MAP2K4: variants seen among roughly 807,000 people sequenced by gnomAD.
MAP2K4 encodes mitogen-activated protein kinase kinase 4.
Under a neutral mutation model 48.5 loss-of-function variants are expected in MAP2K4, and 4 were observed. That is an observed-to-expected ratio of 0.08 (90% confidence interval 0.04 to 0.19). The LOEUF is 0.19. Ranked by LOEUF, MAP2K4 falls within the 10% of genes least tolerant of loss-of-function variation. The pLI is 1.00. For missense variants in MAP2K4, 258 were observed against 493.3 expected (o/e 0.52, Z 4.52); for synonymous variants, 166 against 173.1 (o/e 0.96, Z 0.32).
chr17:12,066,780 T>G (rs997761066), intron 2 of MAP2K4, among the ~76,000 whole-genome samples: 3 of 152,216 alleles, frequency 2.0e-5, no homozygotes, highest in African/African-American at 7.2e-5. Flanking sequence ...AGCTCCGCCT[T>G]CCGGGTTCAC....
chr17:12,105,908 C>T (rs1445222749), intron 4 of MAP2K4, among the ~76,000 whole-genome samples: 1 of 152,100 alleles, frequency 6.6e-6, no homozygotes, highest in African/African-American at 2.4e-5. Context: ...TTCCTTCTCC[C>T]TTCCATTTGG....
rs9894230 is a variant in MAP2K4, at chr17:12,096,857, G to A, written c.513+1163G>A. 2.8e-3 allele frequency among the ~76,000 whole-genome samples: 433 copies of A among 152,140 alleles called. 2 individuals carry two copies. The highest frequency in any genetic ancestry group is 6.6e-3 in the African/African-American group (274 of 41,506). On this transcript the variant is annotated intron_variant, in intron 4 of 10. Transcript: ENST00000353533. Reference sequence around the variant, plus strand: ...TAGGTAACTAGTAACAACACATTCTGCTTCATGACAGAGCCCATTTCTTTG... The same window carrying A: ...TAGGTAACTAGTAACAACACATTCTACTTCATGACAGAGCCCATTTCTTTG...
At chr17:12,037,790 C>T (rs1372824089) in intron 1 of MAP2K4, among the ~76,000 whole-genome samples, 3 of 151,928 alleles carry the variant, frequency 2.0e-5, no homozygotes, top group Non-Finnish European at 4.4e-5. Context: ...AGTTAAAGCC[C>T]AGGAATTGTA....
rs561204770 is a variant in MAP2K4, at chr17:12,038,804, G to C, written c.116-16085G>C. On this transcript the variant is annotated intron_variant, in intron 1 of 10. Coordinates refer to ENST00000353533, the MANE Select transcript of MAP2K4 (RefSeq NM_003010.4). The stretch of plus-strand genomic sequence containing the variant: ...TAAATAAAATTTCCAAAGTCATATA[G>C]CTAATAAGGGGCAGAACTGTGTGAC... Among the ~76,000 whole-genome samples, 8 of 152,302 alleles carry C rather than the reference G, an allele frequency of 5.3e-5. No homozygotes were observed. In the East Asian group the frequency reaches 7.7e-4, roughly 15 times the overall value.
chr17:12,087,892 A>AT (rs1567653111), intron 3 of MAP2K4, among the ~76,000 whole-genome samples: 1 of 151,950 alleles, frequency 6.6e-6, no homozygotes, highest in Admixed American at 6.6e-5. Flanking sequence ...CTTTGACCTT[A>AT]TTAATGATGG....
chr17:12,106,066 G>A (rs1972099306), intron 4 of MAP2K4, among the ~76,000 whole-genome samples: 1 of 152,130 alleles, frequency 6.6e-6, no homozygotes, highest in African/African-American at 2.4e-5. Flanking sequence ...TATATAAGTA[G>A]AAAGTAGGAG....
At chr17:12,121,760 T>C (rs992199053) in intron 7 of MAP2K4, among the ~76,000 whole-genome samples, 3 of 152,214 alleles carry the variant, frequency 2.0e-5, no homozygotes, top group Admixed American at 6.5e-5. Flanking sequence ...ACAACTATTT[T>C]TAGACATGCA....
chr17:12,130,657 C>G (rs1332213889), intron 9 of MAP2K4, among the ~76,000 whole-genome samples: 1 of 152,106 alleles, frequency 6.6e-6, no homozygotes, highest in African/African-American at 2.4e-5. Context: ...CCATTGTTTT[C>G]CCTGAGTAGG....
intron 7 of MAP2K4, chr17:12,115,588 T>G (rs1265893908): frequency 1.4e-6 from 1 of 717,306 alleles, no homozygotes; most frequent in Non-Finnish European, 2.6e-6. Context: ...CTTTTGTTGT[T>G]GATGAAGTGA....
At chr17:12,086,043 A>T (rs1971350136) in intron 3 of MAP2K4, among the ~76,000 whole-genome samples, 1 of 152,196 alleles carries the variant, frequency 6.6e-6, no homozygotes, top group Admixed American at 6.5e-5. Context: ...CACTAGAATG[A>T]TACTGGGATG....
At chr17:12,061,145 T>C (rs977790953) in intron 2 of MAP2K4, among the ~76,000 whole-genome samples, 2 of 152,214 alleles carry the variant, frequency 1.3e-5, no homozygotes, top group South Asian at 4.1e-4. Context: ...AATGTATCTT[T>C]CTCCACCCTT....
At chr17:12,080,274 A>G (rs1971147808) in intron 2 of MAP2K4, among the ~76,000 whole-genome samples, 2 of 152,202 alleles carry the variant, frequency 1.3e-5, no homozygotes, top group African/African-American at 2.4e-5. Context: ...TGTTTGCATC[A>G]TAGGATCAGA....
At chr17:12,032,915 C>T (rs1228338560) in intron 1 of MAP2K4, among the ~76,000 whole-genome samples, 1 of 152,150 alleles carries the variant, frequency 6.6e-6, no homozygotes, top group Admixed American at 6.5e-5. Flanking sequence ...TCATAGTTCA[C>T]TGCAGCCTTG....
intron 1 of MAP2K4, among the ~76,000 whole-genome samples, chr17:12,025,556 C>A (rs1340607420): frequency 6.6e-6 from 1 of 152,100 alleles, no homozygotes; most frequent in Non-Finnish European, 1.5e-5. Context: ...ATACTTGTTA[C>A]AAGAAATAGT....
In MAP2K4 at chr17:12,070,592, T is replaced by C. The variant is rs545477953; in HGVS notation, c.219-10764T>C. 1.1e-3 allele frequency among the ~76,000 whole-genome samples: 163 copies of C among 152,328 alleles called. 1 individual carries two copies. The highest frequency in any genetic ancestry group is 3.8e-3 in the African/African-American group (160 of 41,576). On this transcript the variant is annotated intron_variant, in intron 2 of 10. Transcript: ENST00000353533. ...GAAAAAGGATATAGAAAATATGATT[T>C]AGATTATTTGCATGATAGATGCAAT...
chr17:12,098,585 G>T (rs530714916), intron 4 of MAP2K4, among the ~76,000 whole-genome samples: 54 of 151,876 alleles, frequency 3.6e-4, no homozygotes, highest in African/African-American at 1.2e-3. Flanking sequence ...TTGTTTTGCA[G>T]TTGATGACTT....
At chr17:12,098,499 G>GTGTA (rs1971832649) in intron 4 of MAP2K4, among the ~76,000 whole-genome samples, 2 of 150,898 alleles carry the variant, frequency 1.3e-5, no homozygotes, top group Admixed American at 1.3e-4. Flanking sequence ...AAAAGTATGT[G>GTGTA]TGTATGTATA....
At chr17:12,067,229 A>T (rs1337111879) in intron 2 of MAP2K4, among the ~76,000 whole-genome samples, 1 of 152,222 alleles carries the variant, frequency 6.6e-6, no homozygotes, top group South Asian at 2.1e-4. Context: ...TTGTTGAATT[A>T]AAAACAATGT....
chr17:12,047,003 G>C (rs1969985602), intron 1 of MAP2K4, among the ~76,000 whole-genome samples: 2 of 152,170 alleles, frequency 1.3e-5, no homozygotes, highest in Admixed American at 1.3e-4. Context: ...GAATCTGATA[G>C]GAGCTGTTAA....
Sources: gnomAD v4.1 joint callset for allele counts (sites outside exome capture counted in the v4.1 genomes callset) on GRCh38, gnomAD v4.1.1 for gene constraint, MANE v1.5 for transcripts, NCBI Gene and HGNC (gene_info 2026-07-23, HGNC 2026-07-21) for gene names.